Variants in IGF1R observed in about 807,000 individuals in gnomAD.
IGF1R encodes the protein insulin like growth factor 1 receptor.
Under a neutral mutation model 144.6 loss-of-function variants are expected in IGF1R, and 44 were observed. The observed-to-expected ratio is 0.30, with a 90% CI of 0.24 to 0.39. IGF1R has a LOEUF of 0.39. Among genes scored for constraint, IGF1R ranks in the 10% least tolerant of loss-of-function variants. The probability of loss-of-function intolerance (pLI) is 1.00; values close to 1 mark genes in which losing one functional copy is unlikely to be tolerated. For synonymous variants in IGF1R, 795 were observed against 722.8 expected, an observed-to-expected ratio of 1.10 and a Z score of -1.60; for missense variants, 1,355 against 1,833.7, an observed-to-expected ratio of 0.74 and a Z score of 4.77.
At chr15:98,930,132 C>T in intron 14 of IGF1R, 103 bp from the exon 15 acceptor site, 2 of 818,486 alleles carry the variant, frequency 2.4e-6, no homozygotes, top group Middle Eastern at 2.3e-4. Context: ...GTTCTGATAC[C>T]GTGTGAGAGA....
At chr15:98,726,089 G>A (rs981245914) in intron 2 of IGF1R, among the ~76,000 whole-genome samples, 1 of 152,222 alleles carries the variant, frequency 6.6e-6, no homozygotes, top group African/African-American at 2.4e-5. Context: ...ACTGAACAAT[G>A]ACTAGGTGCC....
At chr15:98,837,706 G>T (rs2011112421) in intron 2 of IGF1R, among the ~76,000 whole-genome samples, 1 of 152,086 alleles carries the variant, frequency 6.6e-6, no homozygotes, top group Non-Finnish European at 1.5e-5. Flanking sequence ...AATTATTACT[G>T]CCATGCTTTA....
chr15:98,827,333 G>A (rs1029011778), intron 2 of IGF1R, among the ~76,000 whole-genome samples: 9 of 152,148 alleles, frequency 5.9e-5, no homozygotes, highest in Non-Finnish European at 8.8e-5. Context: ...TTCACATGCC[G>A]TTTGAATGTA....
chr15:98,717,126 C>G (rs546069895), intron 2 of IGF1R, among the ~76,000 whole-genome samples: 2 of 152,240 alleles, frequency 1.3e-5, no homozygotes, highest in African/African-American at 4.8e-5. Flanking sequence ...AAACTACGTT[C>G]CTGTGTGGAC....
intron 2 of IGF1R, among the ~76,000 whole-genome samples, chr15:98,885,499 A>C (rs2013595468): frequency 1.3e-5 from 2 of 152,076 alleles, no homozygotes; most frequent in Non-Finnish European, 2.9e-5. Context: ...TCTCTGATGC[A>C]CTTTGGAGGT....
intron 1 of IGF1R, among the ~76,000 whole-genome samples, chr15:98,654,730 T>C (rs912543270): frequency 6.6e-6 from 1 of 152,222 alleles, no homozygotes; most frequent in Non-Finnish European, 1.5e-5. Context: ...GGACAGGTGC[T>C]GAGTCCAGGG....
chr15:98,834,630 T>C (rs955276387), intron 2 of IGF1R, among the ~76,000 whole-genome samples: 1 of 152,184 alleles, frequency 6.6e-6, no homozygotes, highest in Non-Finnish European at 1.5e-5. Flanking sequence ...GACTGTGAGG[T>C]GGGAATCTCT....
intron 2 of IGF1R, among the ~76,000 whole-genome samples, chr15:98,809,125 T>C (rs2056530634): frequency 6.6e-6 from 1 of 152,208 alleles, no homozygotes; most frequent in Admixed American, 6.5e-5. Context: ...GGTCTATATA[T>C]TCCAGGACTC....
intron 1 of IGF1R, among the ~76,000 whole-genome samples, chr15:98,649,897 C>G (rs913658341): frequency 1.3e-5 from 2 of 152,156 alleles, no homozygotes; most frequent in South Asian, 2.1e-4. Context: ...TCCGCGCATC[C>G]CCGCGCGGGA....
chr15:98,746,311 G>A (rs965420619), intron 2 of IGF1R, among the ~76,000 whole-genome samples: 1 of 152,176 alleles, frequency 6.6e-6, no homozygotes, highest in Non-Finnish European at 1.5e-5. Context: ...ATTTTTAAAA[G>A]TCTGTGCTTG....
intron 2 of IGF1R, among the ~76,000 whole-genome samples, chr15:98,843,207 A>C (rs1011332968): frequency 1.3e-5 from 2 of 152,158 alleles, no homozygotes; most frequent in African/African-American, 4.8e-5. Context: ...TTGAAAATGC[A>C]TTCACTCTTT....
chr15:98,710,214 C>G (rs894687308), intron 2 of IGF1R, among the ~76,000 whole-genome samples: 5 of 152,154 alleles, frequency 3.3e-5, no homozygotes, highest in Non-Finnish European at 7.4e-5. Context: ...CGCCCTGCAG[C>G]CTTCTCCTTG....
intron 2 of IGF1R, among the ~76,000 whole-genome samples, chr15:98,777,199 C>G (rs2055740585): frequency 6.6e-6 from 1 of 152,190 alleles, no homozygotes; most frequent in African/African-American, 2.4e-5. Context: ...ATTTGCTGAT[C>G]AGGGCCTTCA....
intron 2 of IGF1R, among the ~76,000 whole-genome samples, chr15:98,785,155 G>C (rs1029488573): frequency 2.6e-5 from 4 of 152,166 alleles, no homozygotes; most frequent in Non-Finnish European, 4.4e-5. Flanking sequence ...TGATTGGTTA[G>C]TGCCTTACAG....
At chr15:98,666,747 G>A (rs930574873) in intron 1 of IGF1R, among the ~76,000 whole-genome samples, 1 of 152,086 alleles carries the variant, frequency 6.6e-6, no homozygotes, top group African/African-American at 2.4e-5. Flanking sequence ...TGGGGGGAGG[G>A]AGCAATGAGG....
At chr15:98,941,510 G>C (rs747739890) in intron 18 of IGF1R, among the ~76,000 whole-genome samples, 1 of 152,178 alleles carries the variant, frequency 6.6e-6, no homozygotes, top group Non-Finnish European at 1.5e-5. Flanking sequence ...GAGGAAGGTC[G>C]TTTGTGTTTT....
intron 2 of IGF1R, among the ~76,000 whole-genome samples, chr15:98,844,792 G>T (rs1278795025): frequency 3.3e-5 from 5 of 152,060 alleles, no homozygotes; most frequent in African/African-American, 4.8e-5. Context: ...GAATCAATGG[G>T]AACTTTTTAT....
intron 2 of IGF1R, among the ~76,000 whole-genome samples, chr15:98,807,637 A>G (rs1301068189): frequency 6.6e-6 from 1 of 152,250 alleles, no homozygotes; most frequent in East Asian, 1.9e-4. Flanking sequence ...GATGGCATTA[A>G]TAGTGAGGGA....
At chr15:98,889,395 A>G (rs2013797852) in intron 2 of IGF1R, among the ~76,000 whole-genome samples, 2 of 152,254 alleles carry the variant, frequency 1.3e-5, no homozygotes. Context: ...CAAACTTTCT[A>G]GAGGACAGTT....
Sources: gnomAD v4.1 joint callset for allele counts (sites outside exome capture counted in the v4.1 genomes callset) on GRCh38, gnomAD v4.1.1 for gene constraint, MANE v1.5 for transcripts, NCBI Gene and HGNC (gene_info 2026-07-23, HGNC 2026-07-21) for gene names.